COP1: variants seen among roughly 807,000 people sequenced by gnomAD.
COP1 encodes E3 ubiquitin-protein ligase COP1.
In COP1, 24 loss-of-function variants were observed where a neutral mutation model predicts 101.3. The ratio of observed to expected loss-of-function variants is 0.24; its 90% CI spans 0.17 to 0.33. The LOEUF (loss-of-function observed/expected upper bound fraction) is 0.33, where lower values mean the gene tolerates loss of function less well. COP1 is among the 10% of genes least tolerant of loss of function. The pLI is 1.00. For missense variants in COP1, 663 were observed against 906.2 expected (o/e 0.73, Z 3.45); for synonymous variants, 347 against 341.9 (o/e 1.01, Z -0.17).
At chr1:175,976,296 T>TTTTTTTTTTTTTTTTTTC (rs1553284850) in intron 18 of COP1, among the ~76,000 whole-genome samples, 1 of 137,306 alleles carries the variant, frequency 7.3e-6, no homozygotes, top group Non-Finnish European at 1.5e-5. Flanking sequence ...TTTTTTTTTT[T>TTTTTTTTTTTTTTTTTTC]AGACAGAGTC....
chr1:176,018,635 AT>A (rs541953381), intron 15 of COP1: 3 of 152,284 alleles, frequency 2.0e-5, no homozygotes, highest in South Asian at 2.1e-4. Context: ...TAGGGAAAAA[AT>A]AATTTCATTT....
At chr1:176,151,331 GAAAGAAGGAAGGAAAGAAAGAAA>G (rs1300844748) in intron 5 of COP1, among the ~76,000 whole-genome samples, 2 of 135,310 alleles carry the variant, frequency 1.5e-5, no homozygotes, top group Admixed American at 7.6e-5. Context: ...AGGAAAGAAA[GAAAGAAGGAAGGAAAGAAAGAAA>G]AAGAAAGAAA....
At chr1:176,144,848 T>G (rs1220497280) in intron 6 of COP1, among the ~76,000 whole-genome samples, 1 of 152,086 alleles carries the variant, frequency 6.6e-6, no homozygotes, top group African/African-American at 2.4e-5. Context: ...ATACCTCACA[T>G]TATACACAAA....
intron 14 of COP1, among the ~76,000 whole-genome samples, chr1:176,038,567 C>A (rs887551230): frequency 2.6e-5 from 4 of 152,154 alleles, no homozygotes; most frequent in Admixed American, 2.6e-4. Flanking sequence ...TGCCTGTAAT[C>A]CCAGCACTTT....
chr1:176,201,256 C>T (rs1700234782), intron 1 of COP1, among the ~76,000 whole-genome samples: 1 of 152,210 alleles, frequency 6.6e-6, no homozygotes, highest in East Asian at 1.9e-4. Context: ...ATAGAGGATA[C>T]TCACCCTGTA....
At chr1:176,181,891 G>T (rs1311563180) in intron 2 of COP1, among the ~76,000 whole-genome samples, 1 of 151,780 alleles carries the variant, frequency 6.6e-6, no homozygotes, top group African/African-American at 2.4e-5. Context: ...TCTCATCAGG[G>T]TATAACATAA....
In COP1 at chr1:175,973,013, G is replaced by A. The variant is rs537275397; in HGVS notation, c.2133+13930C>T. 2.0e-4 allele frequency among the ~76,000 whole-genome samples: 31 copies of A among 151,876 alleles called. No homozygotes were observed. The Middle Eastern group carries it at 0.01, about 50-fold the overall frequency. On this transcript the variant is annotated intron_variant, in intron 18 of 19. Coordinates refer to ENST00000367669, the MANE Select transcript of COP1 (RefSeq NM_022457.7). ...ACACCCGGGTAATTTTGTATTTTCAGTAGAGATGGGGTTTCTCCATGTTGG... is the reference window on the plus strand; with the variant it reads ...ACACCCGGGTAATTTTGTATTTTCAATAGAGATGGGGTTTCTCCATGTTGG...
At chr1:176,184,605 ATTATT>A in intron 2 of COP1, 23 bp downstream of exon 2, 1 of 1,539,442 alleles carries the variant, frequency 6.5e-7, no homozygotes, top group Non-Finnish European at 8.9e-7. Context: ...ATGTTAAAAG[ATTATT>A]TTACTCAATA....
intron 1 of COP1, among the ~76,000 whole-genome samples, chr1:176,191,700 TCTCA>T (rs1455381430): frequency 6.6e-6 from 1 of 151,996 alleles, no homozygotes; most frequent in Non-Finnish European, 1.5e-5. Flanking sequence ...TGTCCCATCA[TCTCA>T]CTCTTTCCCA....
chr1:176,130,738 A>G (rs1033275547), intron 8 of COP1, among the ~76,000 whole-genome samples: 1 of 151,790 alleles, frequency 6.6e-6, no homozygotes, highest in Non-Finnish European at 1.5e-5. Context: ...CTTGTATTTA[A>G]GTCCTTATTA....
chr1:175,967,599 A>G (rs1482706499), intron 18 of COP1, among the ~76,000 whole-genome samples: 2 of 152,252 alleles, frequency 1.3e-5, no homozygotes, highest in Non-Finnish European at 2.9e-5. Context: ...ACTTAACAGC[A>G]AAACACACAA....
At chr1:176,076,136 C>G (rs55979360) in intron 11 of COP1, among the ~76,000 whole-genome samples, 8,067 of 151,784 alleles carry the variant, frequency 0.053, 463 homozygotes, top group Middle Eastern at 0.14. Context: ...CACATTGACA[C>G]AGAGTACTAC....
At chr1:175,968,596 TTAAC>T (rs1475484913) in intron 18 of COP1, 4 of 449,414 alleles carry the variant, frequency 8.9e-6, no homozygotes, top group Non-Finnish European at 1.8e-5. Context: ...TATATTCCAA[TTAAC>T]TAACTGCATC....
intron 11 of COP1, among the ~76,000 whole-genome samples, chr1:176,056,498 CATT>C (rs1260724567): frequency 1.3e-5 from 2 of 152,024 alleles, no homozygotes; most frequent in Non-Finnish European, 2.9e-5. Context: ...GAACTTTGAT[CATT>C]ATAATGGGGC....
intron 18 of COP1, among the ~76,000 whole-genome samples, chr1:175,959,249 C>A (rs1190807256): frequency 6.6e-6 from 1 of 151,786 alleles, no homozygotes; most frequent in Non-Finnish European, 1.5e-5. Flanking sequence ...CAGTAATATA[C>A]TTTAGCATTC....
chr1:176,163,667 A>T (rs1694682554), intron 4 of COP1, 148 bp downstream of exon 4: 1 of 528,212 alleles, frequency 1.9e-6, no homozygotes, highest in Non-Finnish European at 3.4e-6. Context: ...GCAGTTAAGA[A>T]AGTTAGTTAT....
chr1:176,015,843 T>C (rs767399997), intron 15 of COP1, among the ~76,000 whole-genome samples: 17 of 152,198 alleles, frequency 1.1e-4, no homozygotes, highest in Non-Finnish European at 1.8e-4. Context: ...GGAATTATGG[T>C]GGCAGAAGCC....
intron 15 of COP1, among the ~76,000 whole-genome samples, chr1:176,005,689 T>C (rs1310290177): frequency 1.2e-4 from 19 of 152,210 alleles, no homozygotes; most frequent in Admixed American, 1.2e-3. Context: ...TCCTGAGTTC[T>C]AGTTTGATTG....
chr1:176,203,642 C>T (rs769939860), intron 1 of COP1, among the ~76,000 whole-genome samples: 15 of 152,160 alleles, frequency 9.9e-5, no homozygotes, highest in Non-Finnish European at 2.2e-4. Flanking sequence ...CAATGTCAAG[C>T]TAAATACTAC....
Sources: allele counts gnomAD v4.1 joint callset (sites outside exome capture counted in the v4.1 genomes callset), GRCh38; gene constraint gnomAD v4.1.1; transcripts MANE v1.5; gene names NCBI Gene and HGNC (gene_info 2026-07-23, HGNC 2026-07-21).